Variants in ILDR1 observed in about 807,000 individuals in gnomAD.
ILDR1 encodes the protein immunoglobulin like domain containing receptor 1.
Under a neutral mutation model 62.4 loss-of-function variants are expected in ILDR1, and 56 were observed. The observed-to-expected ratio is 0.90, with a 90% CI of 0.72 to 1.12. ILDR1 has a LOEUF of 1.12. ILDR1 is among the 50% of genes most tolerant of loss of function. The pLI is 0.00. For synonymous variants in ILDR1, 284 were observed against 277.8 expected (o/e 1.02, Z -0.22); for missense variants, 736 against 710.6 (o/e 1.04, Z -0.41).
Position 122,005,235 on chromosome 3 carries a change from C to G in ILDR1, c.379+9G>C, listed in dbSNP as rs778222994. ...CCCCCAGTTCCCCTGACACCTCCCC[C>G]GCACTCACGGTTCTGGATGGTGATC... On this transcript the variant is annotated intron_variant, in intron 3 of 7. Transcript: ENST00000344209. 1.3e-6 allele frequency: 2 copies of G among 1,597,118 alleles called. No homozygotes were observed. Among genetic ancestry groups the G allele is most frequent in the African/African-American group, 1.3e-5 (1 of 74,568 alleles).
the ILDR1 span, among the ~76,000 whole-genome samples, chr3:122,045,742 C>T: frequency 3.4e-5 from 5 of 148,900 alleles, no homozygotes; most frequent in Admixed American, 2.7e-4. Context: ...GATTGCAACC[C>T]CTGCATTTTT....
intron 1 of ILDR1, among the ~76,000 whole-genome samples, chr3:122,020,372 A>C (rs75096442): frequency 0.014 from 2,074 of 152,372 alleles, 17 homozygotes; most frequent in Middle Eastern, 0.027. Flanking sequence ...AACATCATTG[A>C]CACAAACCAC....
At chr3:122,007,940 C>A (rs1412818022) in intron 1 of ILDR1, among the ~76,000 whole-genome samples, 1 of 152,212 alleles carries the variant, frequency 6.6e-6, no homozygotes, top group Non-Finnish European at 1.5e-5. Flanking sequence ...CCCTAGGCAG[C>A]ACTTTTCATG....
chr3:122,038,643 AATC>A, the ILDR1 span, among the ~76,000 whole-genome samples: 1 of 152,242 alleles, frequency 6.6e-6, no homozygotes, highest in Non-Finnish European at 1.5e-5. Context: ...GAGACAAAGG[AATC>A]ATCAGAATCA....
chr3:122,057,559 C>A, the ILDR1 span, among the ~76,000 whole-genome samples: 1 of 152,100 alleles, frequency 6.6e-6, no homozygotes, highest in African/African-American at 2.4e-5. Flanking sequence ...CTACTGTGTG[C>A]TTTTCAATTT....
upstream of ILDR1, among the ~76,000 whole-genome samples, chr3:122,023,788 ACAGCAGCAG>A (rs150002932): frequency 1.1e-4 from 17 of 151,222 alleles, no homozygotes; most frequent in African/African-American, 2.7e-4. Context: ...GGATCCTAGC[ACAGCAGCAG>A]CAGCAGCAGC....
chr3:122,015,286 T>C (rs1453632585), intron 1 of ILDR1, among the ~76,000 whole-genome samples: 1 of 152,208 alleles, frequency 6.6e-6, no homozygotes, highest in Non-Finnish European at 1.5e-5. Flanking sequence ...TCATCATCCT[T>C]CCATACAAAC....
At chr3:122,006,927 TA>T (rs2071620355) in intron 2 of ILDR1, 63 bp downstream of exon 2, 1 of 1,528,392 alleles carries the variant, frequency 6.5e-7, no homozygotes, top group African/African-American at 1.4e-5. Context: ...CCCTCAACCC[TA>T]ACCGCAGTAT....
At chr3:122,050,722 T>A in the ILDR1 span, among the ~76,000 whole-genome samples, 2 of 152,264 alleles carry the variant, frequency 1.3e-5, no homozygotes, top group East Asian at 3.8e-4. Flanking sequence ...TGTCTATATA[T>A]CTATCTTTAC....
intron 3 of ILDR1, among the ~76,000 whole-genome samples, chr3:122,004,098 G>A (rs1175850428): frequency 6.6e-6 from 1 of 152,058 alleles, no homozygotes; most frequent in Non-Finnish European, 1.5e-5. Flanking sequence ...TTCCCCTTAA[G>A]TGACCTACCT....
intron 7 of ILDR1, among the ~76,000 whole-genome samples, chr3:121,990,838 A>G (rs1385275982): frequency 6.6e-6 from 1 of 152,144 alleles, no homozygotes; most frequent in Admixed American, 6.5e-5. Flanking sequence ...TTCACTCCCT[A>G]TTGGCTGTGT....
Position 121,993,145 on chromosome 3 carries a change from C to G in ILDR1, c.1599+5G>C. Reference sequence around the variant, plus strand: ...CCAACCCTCAGCAGGATGCCCCAGGCTCACCGAGCGCCTCTCCACACTCCC... The same window carrying G: ...CCAACCCTCAGCAGGATGCCCCAGGGTCACCGAGCGCCTCTCCACACTCCC... On this transcript the variant is annotated splice_donor_5th_base_variant and intron_variant, in intron 7 of 7. Transcript: ENST00000344209. 2 of 1,574,056 alleles carry G rather than the reference C, an allele frequency of 1.3e-6. No individual in the cohort carries two copies. Among genetic ancestry groups the G allele is most frequent in the Non-Finnish European group, 1.7e-6 (2 of 1,158,648 alleles).
chr3:122,026,241 G>A (rs532111664), upstream of ILDR1, among the ~76,000 whole-genome samples: 1 of 152,324 alleles, frequency 6.6e-6, no homozygotes, highest in East Asian at 1.9e-4. Context: ...AAACTTGGCA[G>A]CAGTGAGAAG....
At chr3:122,006,483 G>T (rs1465577044) in intron 2 of ILDR1, among the ~76,000 whole-genome samples, 1 of 152,124 alleles carries the variant, frequency 6.6e-6, no homozygotes, top group Non-Finnish European at 1.5e-5. Flanking sequence ...CAGTTAAAGG[G>T]CTGCCTGGGG....
At chr3:122,042,571 AG>A in the ILDR1 span, among the ~76,000 whole-genome samples, 1 of 148,784 alleles carries the variant, frequency 6.7e-6, no homozygotes, top group Non-Finnish European at 1.5e-5. Context: ...CATCCTCTCC[AG>A]CACCTGTTGT....
At chr3:122,054,359 AATTT>A in the ILDR1 span, among the ~76,000 whole-genome samples, 3 of 152,140 alleles carry the variant, frequency 2.0e-5, no homozygotes, top group East Asian at 5.8e-4. Flanking sequence ...ATCCTTAAAT[AATTT>A]ATTTAGGAAG....
At chr3:122,003,886 G>T (rs2071565621) in intron 3 of ILDR1, among the ~76,000 whole-genome samples, 1 of 152,086 alleles carries the variant, frequency 6.6e-6, no homozygotes, top group Non-Finnish European at 1.5e-5. Flanking sequence ...AAACTTTGAG[G>T]TCAGATAAGA....
the ILDR1 span, among the ~76,000 whole-genome samples, chr3:122,029,713 A>T: frequency 6.6e-6 from 1 of 152,142 alleles, no homozygotes; most frequent in African/African-American, 2.4e-5. Flanking sequence ...GATGGTGCCT[A>T]TTATTTTATG....
chr3:122,043,403 T>C, the ILDR1 span, among the ~76,000 whole-genome samples: 3 of 132,132 alleles, frequency 2.3e-5, no homozygotes, highest in Admixed American at 7.8e-5. Flanking sequence ...ATGTGGGCTC[T>C]TTTTTGGTTC....
Sources: gnomAD v4.1 joint callset for allele counts (sites outside exome capture counted in the v4.1 genomes callset) on GRCh38, gnomAD v4.1.1 for gene constraint, MANE v1.5 for transcripts, NCBI Gene and HGNC (gene_info 2026-07-23, HGNC 2026-07-21) for gene names.